The following PLAGL1 variants were observed in gnomAD, a reference collection of about 807,000 sequenced individuals.
PLAGL1 encodes PLAG1 like zinc finger 1.
A neutral mutation model predicts 4.6 loss-of-function variants in PLAGL1; 1 was observed. That is an observed-to-expected ratio of 0.22 (90% CI 0.08 to 1.03). The LOEUF (loss-of-function observed/expected upper bound fraction) is 1.03. PLAGL1 is among the 50% of genes least tolerant of loss of function. The probability of loss-of-function intolerance (pLI) is 0.58; values close to 1 mark genes in which losing one functional copy is unlikely to be tolerated. For synonymous variants in PLAGL1, 240 were observed against 237.8 expected, an observed-to-expected ratio of 1.01 and a Z score of -0.08; for missense variants, 464 against 570.4, an observed-to-expected ratio of 0.81 and a Z score of 1.90.
rs985822876 is a variant in PLAGL1 at position 143,963,096 on chromosome 6, G to A, written c.-399+1691C>T. Among the ~76,000 whole-genome samples the A allele has an allele frequency of 6.6e-6, 1 of 152,178 alleles. No individual in the cohort carries two copies. The highest frequency in any genetic ancestry group is 2.4e-5 in the African/African-American group (1 of 41,432). Reference sequence around the variant, plus strand: ...CAGGCAATGATGTCATTTTAAAGGTGACACTGGGGGGCATGGTATGAAGGG... The same window carrying A: ...CAGGCAATGATGTCATTTTAAAGGTAACACTGGGGGGCATGGTATGAAGGG... On this transcript the variant is annotated intron_variant, in intron 5 of 7. Coordinates refer to ENST00000674357, the MANE Select transcript of PLAGL1 (RefSeq NM_001317162.2). The surrounding 1 kb of genome is among the most constrained non-coding windows in gnomAD (Gnocchi z 6.1).
intron 1 of PLAGL1, among the ~76,000 whole-genome samples, chr6:144,044,445 C>T (rs945723404): frequency 1.2e-4 from 18 of 152,196 alleles, no homozygotes; most frequent in African/African-American, 4.3e-4. Flanking sequence ...ACCCAGTAGT[C>T]ATTCAGGAGC....
chr6:143,942,876 C>T lies in PLAGL1; in HGVS notation c.153-213G>A, dbSNP rs979666077. ...TAATACATTTTTCACACCTATAAAA[C>T]GTTTTTTGAGACAGGATCTGACTCT... On this transcript the variant is annotated intron_variant, in intron 7 of 7. Coordinates refer to ENST00000674357, the MANE Select transcript of PLAGL1 (RefSeq NM_001317162.2). This position sits in a 1 kb window ranked among gnomAD's most constrained non-coding sequence, Gnocchi z 7.6. Among the ~76,000 whole-genome samples the T allele has an allele frequency of 5.3e-5, 8 of 151,684 alleles. No homozygotes were observed. Among genetic ancestry groups the T allele is most frequent in the Admixed American group, 3.9e-4 (6 of 15,226 alleles).
chr6:144,002,236 A>G (rs962624683), intron 1 of PLAGL1, among the ~76,000 whole-genome samples: 2 of 152,226 alleles, frequency 1.3e-5, no homozygotes, highest in African/African-American at 4.8e-5. Flanking sequence ...CATTTGCGAA[A>G]GCAATTCTCA....
chr6:144,055,471 T>C lies in PLAGL1; in HGVS notation c.-151+8997A>G, dbSNP rs1442386961. On this transcript the variant is annotated intron_variant, in intron 1 of 3. Transcript: ENST00000437412. The surrounding 1 kb of genome is among the most constrained non-coding windows in gnomAD (Gnocchi z 5.0). Reference sequence around the variant, plus strand: ...TCTTATCTGTGTTAAATTGCTTTTGTCCCCAAATCTAGCTTCTTGTTGCCC... The same window carrying C: ...TCTTATCTGTGTTAAATTGCTTTTGCCCCCAAATCTAGCTTCTTGTTGCCC... 6.6e-6 allele frequency among the ~76,000 whole-genome samples: 1 copy of C among 152,144 alleles called. No individual in the cohort carries two copies. The highest frequency in any genetic ancestry group is 1.5e-5 in the Non-Finnish European group (1 of 68,028).
chr6:144,018,115 T>C (rs922970474), intron 1 of PLAGL1, among the ~76,000 whole-genome samples: 3 of 152,102 alleles, frequency 2.0e-5, no homozygotes, highest in African/African-American at 7.2e-5. Flanking sequence ...AATGAATACA[T>C]GAATTATCAA....
intron 1 of PLAGL1, among the ~76,000 whole-genome samples, chr6:143,991,795 T>A (rs1302380716): frequency 6.6e-6 from 1 of 152,216 alleles, no homozygotes; most frequent in Admixed American, 6.5e-5. Flanking sequence ...CTTTCCTAGA[T>A]CTGTGTTTTT....
In PLAGL1 at chr6:143,959,778, C is replaced by G. The variant is rs190273793; in HGVS notation, c.-325+691G>C. On this transcript the variant is annotated intron_variant, in intron 6 of 7. Coordinates refer to ENST00000674357, the MANE Select transcript of PLAGL1 (RefSeq NM_001317162.2). The surrounding 1 kb of genome is among the most constrained non-coding windows in gnomAD (Gnocchi z 5.3). Reference sequence around the variant, plus strand: ...TAATACACTGTCCTAAGCAAAACGCCTAGCACAGAGTGAGTGCCCCAAAGG... The same window carrying G: ...TAATACACTGTCCTAAGCAAAACGCGTAGCACAGAGTGAGTGCCCCAAAGG... 1.5e-4 allele frequency among the ~76,000 whole-genome samples: 23 copies of G among 152,294 alleles called. 1 individual carries two copies. In the South Asian group the frequency reaches 4.1e-3, roughly 27 times the overall value.
At position 144,016,571 on chromosome 6, in the gene PLAGL1, T is replaced by C. The variant is rs542362048; in HGVS notation, c.-150-47593A>G. Reference sequence around the variant, plus strand: ...CATAGGAAATTTTAGAAACACAAAATTATAGTCTTTCTAAAGCAGATCAAT... The same window carrying C: ...CATAGGAAATTTTAGAAACACAAAACTATAGTCTTTCTAAAGCAGATCAAT... On this transcript the variant is annotated intron_variant, in intron 1 of 3. Transcript: ENST00000437412. The surrounding 1 kb of genome is among the most constrained non-coding windows in gnomAD (Gnocchi z 4.2). Among the ~76,000 whole-genome samples the C allele has an allele frequency of 2.6e-5, 4 of 152,280 alleles. No individual in the cohort carries two copies. The highest frequency in any genetic ancestry group is 2.6e-4 in the Admixed American group (4 of 15,302).
In PLAGL1 at chr6:143,967,997, C is replaced by CAAAAAAAAAAAAAAAAAAAAAAAAAAA. The variant is rs60021436; in HGVS notation, c.-472+909_-472+910insTTTTTTTTTTTTTTTTTTTTTTTTTTT. On this transcript the variant is annotated intron_variant, in intron 3 of 7. Transcript: ENST00000674357. ...CATTATGACCATCAAGGACATTTTG[C>CAAAAAAAAAAAAAAAAAAAAAAAAAAA]AAAAAAAAAAAAAAAAAAAAACAGT... 2 of 90,020 alleles carry CAAAAAAAAAAAAAAAAAAAAAAAAAAA rather than the reference C, an allele frequency of 2.2e-5. 1 individual carries two copies. Among genetic ancestry groups the CAAAAAAAAAAAAAAAAAAAAAAAAAAA allele is most frequent in the Non-Finnish European group, 4.0e-5 (2 of 49,956 alleles). 5.6% of individuals were successfully genotyped at this position (90,020 alleles called of 1,614,324 possible).
chr6:144,001,254 A>G (rs1792812587), intron 1 of PLAGL1, among the ~76,000 whole-genome samples: 1 of 152,154 alleles, frequency 6.6e-6, no homozygotes, highest in Admixed American at 6.5e-5. Context: ...CCAATGCCAA[A>G]GCTGGAACAA....
rs1795603325 is a variant in PLAGL1, at chr6:144,016,926, T to C, written c.-151+47542A>G. On this transcript the variant is annotated intron_variant, in intron 1 of 3. Coordinates refer to the PLAGL1 transcript ENST00000437412. This position sits in a 1 kb window ranked among gnomAD's most constrained non-coding sequence, Gnocchi z 4.2. Reference sequence around the variant, plus strand: ...TTAGCACTCTCTTGTGCATTATCAGTCTGTTTTCTAACCTGTGAGGGTGTC... The same window carrying C: ...TTAGCACTCTCTTGTGCATTATCAGCCTGTTTTCTAACCTGTGAGGGTGTC... Among the ~76,000 whole-genome samples, 1 of 152,182 alleles carries C rather than the reference T, an allele frequency of 6.6e-6. No homozygotes were observed. Among genetic ancestry groups the C allele is most frequent in the African/African-American group, 2.4e-5 (1 of 41,450 alleles).
At position 143,952,468 on chromosome 6, in the gene PLAGL1, T is replaced by TAATG. The variant is rs1377347690; in HGVS notation, c.-324-4009_-324-4008insCATT. The stretch of plus-strand genomic sequence containing the variant: ...TTTTCAGTCCCCTTGATTCTAAAAA[T>TAATG]ACTGAGTGATACAGATCTGCCAGTA... On this transcript the variant is annotated intron_variant, in intron 6 of 7. Coordinates refer to ENST00000674357, the MANE Select transcript of PLAGL1 (RefSeq NM_001317162.2). This position sits in a 1 kb window ranked among gnomAD's most constrained non-coding sequence, Gnocchi z 6.1. 1.5e-5 allele frequency among the ~76,000 whole-genome samples: 1 copy of TAATG among 67,314 alleles called. No individual in the cohort carries two copies. The highest frequency in any genetic ancestry group is 2.3e-5 in the Non-Finnish European group (1 of 42,604). 44.2% of individuals were successfully genotyped at this position (67,314 alleles called of 152,430 possible).
chr6:143,977,466 TC>T (rs1786910264), intron 2 of PLAGL1, among the ~76,000 whole-genome samples: 5 of 112,140 alleles, frequency 4.5e-5, no homozygotes, highest in Non-Finnish European at 5.3e-5. Context: ...TTCTTCTTCT[TC>T]TTCTTTTTTT....
chr6:144,028,903 C>T (rs1796576573), intron 1 of PLAGL1, among the ~76,000 whole-genome samples: 1 of 152,084 alleles, frequency 6.6e-6, no homozygotes, highest in Non-Finnish European at 1.5e-5. Flanking sequence ...AATATCACTT[C>T]CAAATTACAG....
At chr6:144,029,268 C>G (rs761062846) in intron 1 of PLAGL1, among the ~76,000 whole-genome samples, 1 of 151,972 alleles carries the variant, frequency 6.6e-6, no homozygotes, top group African/African-American at 2.4e-5. Context: ...TGCACAAACC[C>G]CAACAGCCAC....
intron 1 of PLAGL1, among the ~76,000 whole-genome samples, chr6:144,054,541 T>C (rs1281940356): frequency 6.6e-6 from 1 of 152,120 alleles, no homozygotes. Context: ...AAGTGGGAGC[T>C]GAACAATAAG....
At chr6:144,009,396 T>C (rs1054145261), upstream of PLAGL1, among the ~76,000 whole-genome samples, 1 of 152,210 alleles carries the variant, frequency 6.6e-6, no homozygotes, top group African/African-American at 2.4e-5. Context: ...GTTTATAGAG[T>C]GCTGCCATGT....
rs146546302 is a variant in PLAGL1, at chr6:143,941,400, C to T, written c.*24G>A. On this transcript the variant is annotated 3_prime_UTR_variant, in exon 8 of 8. Transcript: ENST00000674357. This position sits in a 1 kb window ranked among gnomAD's most constrained non-coding sequence, Gnocchi z 6.0. The stretch of plus-strand genomic sequence containing the variant: ...GCTTCTTAAAACATCTTCCAGAATA[C>T]GAAAAATACACTTTAAAAATCAATT... 2.6e-5 allele frequency: 38 copies of T among 1,481,676 alleles called. No homozygotes were observed. Among genetic ancestry groups the T allele is most frequent in the African/African-American group, 2.4e-4 (17 of 71,110 alleles). 91.8% of individuals were successfully genotyped at this position (1,481,676 alleles called of 1,614,324 possible). A position where few individuals can be genotyped will look rare whatever the true frequency, so the allele number is the denominator to read the frequency against.
At chr6:144,041,845 C>A (rs944404735) in intron 1 of PLAGL1, among the ~76,000 whole-genome samples, 2 of 152,114 alleles carry the variant, frequency 1.3e-5, no homozygotes, top group African/African-American at 4.8e-5. Context: ...TCTCCAGCAC[C>A]TGTTCCTGAC....
Sources: allele counts gnomAD v4.1 joint callset (sites outside exome capture counted in the v4.1 genomes callset), GRCh38; gene constraint gnomAD v4.1.1; non-coding constraint Gnocchi (gnomAD v3.1); transcripts MANE v1.5; gene names NCBI Gene and HGNC (gene_info 2026-07-23, HGNC 2026-07-21).